Variants in GRIK4 observed in about 807,000 individuals in gnomAD.
GRIK4 encodes the protein glutamate receptor ionotropic, kainate 4.
Under a neutral mutation model 104.9 loss-of-function variants are expected in GRIK4, and 40 were observed. The observed-to-expected ratio is 0.38, with a 90% CI of 0.30 to 0.50. GRIK4 has a LOEUF of 0.50. Ranked by LOEUF, GRIK4 falls within the 20% of genes least tolerant of loss-of-function variation. The pLI, the probability that GRIK4 is intolerant of heterozygous loss-of-function variation, is 0.93. For missense variants in GRIK4, 1,047 were observed against 1,308.1 expected (o/e 0.80, Z 3.08); for synonymous variants, 485 against 524.9 (o/e 0.92, Z 1.04).
chr11:120,627,971 G>T (rs1389490682), intron 1 of GRIK4, among the ~76,000 whole-genome samples: 1 of 152,214 alleles, frequency 6.6e-6, no homozygotes, highest in Non-Finnish European at 1.5e-5. Flanking sequence ...TTCCTTATCT[G>T]TAAAATGGGC....
intron 3 of GRIK4, among the ~76,000 whole-genome samples, chr11:120,793,767 T>C (rs1161175945): frequency 6.8e-6 from 1 of 146,648 alleles, no homozygotes; most frequent in Non-Finnish European, 1.5e-5. Flanking sequence ...GGAAGGGTAG[T>C]GTTAGGGGCT....
chr11:120,854,208 C>T (rs1954046786), intron 8 of GRIK4, among the ~76,000 whole-genome samples: 1 of 152,218 alleles, frequency 6.6e-6, no homozygotes, highest in Non-Finnish European at 1.5e-5. Flanking sequence ...CCAGCCTCCT[C>T]TCCCAGGCAG....
intron 13 of GRIK4, among the ~76,000 whole-genome samples, chr11:120,930,003 G>GGC (rs1555096689): frequency 5.4e-5 from 6 of 110,722 alleles, no homozygotes; most frequent in East Asian, 4.7e-4. Flanking sequence ...GGCCACGTTT[G>GGC]GGGGGGGGGT....
At chr11:120,816,226 GTCTAGTCCTGGCA>G (rs1440974722) in intron 5 of GRIK4, among the ~76,000 whole-genome samples, 1 of 152,142 alleles carries the variant, frequency 6.6e-6, no homozygotes, top group African/African-American at 2.4e-5. Flanking sequence ...CAGAGATTCT[GTCTAGTCCTGGCA>G]TCTTTCCTGG....
At chr11:120,695,386 C>T (rs956040177) in intron 3 of GRIK4, among the ~76,000 whole-genome samples, 1 of 152,226 alleles carries the variant, frequency 6.6e-6, no homozygotes, top group Non-Finnish European at 1.5e-5. Flanking sequence ...GAAGGGCCTT[C>T]TGTGGCTCGC....
chr11:120,656,128 A>T (rs1350281529), intron 2 of GRIK4, among the ~76,000 whole-genome samples: 1 of 152,242 alleles, frequency 6.6e-6, no homozygotes, highest in Non-Finnish European at 1.5e-5. Context: ...CTGTTAATAA[A>T]GGATGCATTA....
At chr11:120,781,958 C>T (rs932479005) in intron 3 of GRIK4, among the ~76,000 whole-genome samples, 3 of 152,144 alleles carry the variant, frequency 2.0e-5, no homozygotes, top group Non-Finnish European at 4.4e-5. Context: ...GCCAAGCTCC[C>T]TCTTACCTTT....
intron 11 of GRIK4, among the ~76,000 whole-genome samples, chr11:120,876,610 C>T (rs1036644444): frequency 1.3e-5 from 2 of 151,670 alleles, no homozygotes; most frequent in African/African-American, 4.9e-5. Flanking sequence ...AAAATAGATA[C>T]TTTTTATTAG....
intron 1 of GRIK4, among the ~76,000 whole-genome samples, chr11:120,538,381 C>A (rs1186368845): frequency 6.6e-5 from 10 of 152,312 alleles, no homozygotes; most frequent in Admixed American, 6.5e-4. Context: ...CCCTGCTCCA[C>A]CAAAGTGTCT....
intron 9 of GRIK4, among the ~76,000 whole-genome samples, chr11:120,865,256 G>A (rs1197638130): frequency 6.6e-6 from 1 of 152,146 alleles, no homozygotes; most frequent in Non-Finnish European, 1.5e-5. Context: ...TATGCCAGAT[G>A]CTGGAATAGG....
rs193077058 is a variant in GRIK4 at position 120,895,610 on chromosome 11, A to G, written c.1165-2922A>G. On this transcript the variant is annotated intron_variant, in intron 11 of 20. Coordinates refer to ENST00000527524, the MANE Select transcript of GRIK4 (RefSeq NM_014619.5). ...AGGGCACATTCGTATCCCCACCCCA[A>G]GAGACAGCAGCAGAAACAAGAAAGA... Among the ~76,000 whole-genome samples, 411 of 152,300 alleles carry G rather than the reference A, an allele frequency of 2.7e-3. 9 individuals carry two copies. Among genetic ancestry groups the G allele is most frequent in the Admixed American group, 0.026 (400 of 15,298 alleles).
chr11:120,712,172 T>G (rs1032357589), intron 3 of GRIK4, among the ~76,000 whole-genome samples: 1 of 152,084 alleles, frequency 6.6e-6, no homozygotes, highest in Non-Finnish European at 1.5e-5. Context: ...GAACCTGGGG[T>G]GCAGGGGCAC....
At chr11:120,759,560 C>T (rs1227542674) in intron 3 of GRIK4, among the ~76,000 whole-genome samples, 4 of 151,652 alleles carry the variant, frequency 2.6e-5, no homozygotes, top group African/African-American at 9.7e-5. Context: ...CCAAAGTCTT[C>T]CCTCAAGTCT....
chr11:120,698,108 T>C (rs1274480813), intron 3 of GRIK4, among the ~76,000 whole-genome samples: 2 of 152,174 alleles, frequency 1.3e-5, no homozygotes, highest in African/African-American at 2.4e-5. Flanking sequence ...CTGTCCATTT[T>C]ACAAGTGTTT....
intron 11 of GRIK4, among the ~76,000 whole-genome samples, chr11:120,884,647 G>C (rs1158168039): frequency 1.6e-4 from 25 of 152,228 alleles, no homozygotes; most frequent in Admixed American, 1.6e-3. Flanking sequence ...CTCTGGTTTT[G>C]TGTGAAGCTG....
Position 120,657,477 on chromosome 11 carries a change from G to A in GRIK4, c.-50-2792G>A, listed in dbSNP as rs143649528. On this transcript the variant is annotated intron_variant, in intron 2 of 20. Transcript: ENST00000527524. Reference sequence around the variant, plus strand: ...TTCCTCTAGCAGGTGATTGCTTGAGGCCTTCCATTCATTGAACAAATATGT... The same window carrying A: ...TTCCTCTAGCAGGTGATTGCTTGAGACCTTCCATTCATTGAACAAATATGT... Among the ~76,000 whole-genome samples, 7 of 152,260 alleles carry A rather than the reference G, an allele frequency of 4.6e-5. No homozygotes were observed. The East Asian group carries it at 1.3e-3, about 29-fold the overall frequency.
At chr11:120,512,835 G>C (rs1442349016) in intron 1 of GRIK4, among the ~76,000 whole-genome samples, 1 of 152,160 alleles carries the variant, frequency 6.6e-6, no homozygotes, top group Non-Finnish European at 1.5e-5. Context: ...AGGAGTTGGA[G>C]CCTGGGGAGA....
intron 1 of GRIK4, chr11:120,620,071 G>T: frequency 1.5e-6 from 1 of 679,058 alleles, no homozygotes; most frequent in South Asian, 1.7e-5. Flanking sequence ...CACATGTGAA[G>T]GTACCTCTCT....
chr11:120,765,609 G>T (rs1363889303), intron 3 of GRIK4, among the ~76,000 whole-genome samples: 3 of 152,102 alleles, frequency 2.0e-5, no homozygotes, highest in Non-Finnish European at 4.4e-5. Flanking sequence ...TCTACCTTTG[G>T]TCTTTGCTGC....
Sources: allele counts gnomAD v4.1 joint callset (sites outside exome capture counted in the v4.1 genomes callset), GRCh38; gene constraint gnomAD v4.1.1; transcripts MANE v1.5; gene names NCBI Gene and HGNC (gene_info 2026-07-23, HGNC 2026-07-21).